Variants in CDH1 observed in about 807,000 individuals in gnomAD.
CDH1 encodes the protein cadherin 1, also known as cadherin-1.
CDH1 carries 35 observed loss-of-function variants against 84.5 expected under a neutral mutation model. The ratio of observed to expected loss-of-function variants is 0.41; its 90% CI spans 0.32 to 0.55. The LOEUF is 0.55. Among genes scored for constraint, CDH1 ranks in the 20% least tolerant of loss-of-function variants. The probability of loss-of-function intolerance (pLI) is 0.19; values close to 1 mark genes in which losing one functional copy is unlikely to be tolerated. For synonymous variants in CDH1, 417 were observed against 439.0 expected, an observed-to-expected ratio of 0.95 and a Z score of 0.63; for missense variants, 994 against 1,126.6, an observed-to-expected ratio of 0.88 and a Z score of 1.68.
intron 1 of CDH1, 114 bp downstream of exon 1, chr16:68,737,577 G>A (rs1962433802): frequency 6.2e-6 from 6 of 974,036 alleles, no homozygotes; most frequent in Non-Finnish European, 9.3e-6. Context: ...AAGAAAGTTC[G>A]GGTCCTGAGG....
intron 2 of CDH1, among the ~76,000 whole-genome samples, chr16:68,792,465 A>G (rs557537042): frequency 7.2e-5 from 11 of 152,198 alleles, no homozygotes; most frequent in African/African-American, 2.4e-4. Flanking sequence ...CCTGACCTCA[A>G]GTGTTCCACC....
At chr16:68,739,976 C>A (rs1441707035) in intron 2 of CDH1, among the ~76,000 whole-genome samples, 1 of 152,122 alleles carries the variant, frequency 6.6e-6, no homozygotes, top group African/African-American at 2.4e-5. Flanking sequence ...AAAATGCATA[C>A]ACCCAATGTA....
At chr16:68,793,479 A>G (rs1457790837) in intron 2 of CDH1, among the ~76,000 whole-genome samples, 2 of 152,102 alleles carry the variant, frequency 1.3e-5, no homozygotes, top group Non-Finnish European at 2.9e-5. Context: ...ATGGCTCATC[A>G]GTACTAACAG....
intron 10 of CDH1, among the ~76,000 whole-genome samples, chr16:68,818,067 C>T (rs760528078): frequency 3.3e-5 from 5 of 151,374 alleles, no homozygotes; most frequent in Non-Finnish European, 5.9e-5. Context: ...GGTGAAACCT[C>T]GTCTCTACTA....
At chr16:68,811,283 G>C (rs1250057300) in intron 6 of CDH1, among the ~76,000 whole-genome samples, 2 of 150,976 alleles carry the variant, frequency 1.3e-5, no homozygotes, top group Admixed American at 6.7e-5. Flanking sequence ...TATAATTCCA[G>C]ATACTTGGGA....
intron 2 of CDH1, among the ~76,000 whole-genome samples, chr16:68,792,392 G>C (rs1271970750): frequency 6.6e-6 from 1 of 152,072 alleles, no homozygotes; most frequent in South Asian, 2.1e-4. Context: ...ACCACGCCTG[G>C]CTAATTTTTG....
At chr16:68,776,364 C>T (rs1031048976) in intron 2 of CDH1, among the ~76,000 whole-genome samples, 14 of 152,162 alleles carry the variant, frequency 9.2e-5, no homozygotes, top group Non-Finnish European at 1.3e-4. Flanking sequence ...TAATGACCAA[C>T]GTTTCCTGAA....
chr16:68,807,641 A>G (rs1960700143), intron 3 of CDH1, among the ~76,000 whole-genome samples: 2 of 152,082 alleles, frequency 1.3e-5, no homozygotes, highest in African/African-American at 2.4e-5. Flanking sequence ...GTGAGCTTTG[A>G]TCACTTCACT....
intron 9 of CDH1, among the ~76,000 whole-genome samples, chr16:68,815,051 C>T (rs142427895): frequency 0.055 from 8,396 of 151,722 alleles, 324 homozygotes; most frequent in Non-Finnish European, 0.087. Context: ...CATGGTGAAA[C>T]GTCGTCTCTA....
chr16:68,776,988 C>T (rs1290481396), intron 2 of CDH1, among the ~76,000 whole-genome samples: 1 of 152,150 alleles, frequency 6.6e-6, no homozygotes, highest in Non-Finnish European at 1.5e-5. Context: ...GTGTGGCTGA[C>T]TTCAGACTTG....
intron 2 of CDH1, chr16:68,765,567 A>G (rs535588428): frequency 6.6e-6 from 1 of 152,232 alleles, no homozygotes; most frequent in South Asian, 2.1e-4. Flanking sequence ...TCCAGCAGGT[A>G]TGTAAGGCAT....
At chr16:68,741,036 G>A (rs181460012) in intron 2 of CDH1, among the ~76,000 whole-genome samples, 177 of 151,890 alleles carry the variant, frequency 1.2e-3, no homozygotes, top group Non-Finnish European at 1.8e-3. Flanking sequence ...TGGGACCTCC[G>A]AGAGGGGGTG....
chr16:68,784,549 A>G (rs1959987564), intron 2 of CDH1, among the ~76,000 whole-genome samples: 1 of 152,050 alleles, frequency 6.6e-6, no homozygotes, highest in South Asian at 2.1e-4. Flanking sequence ...GGTTATGTGA[A>G]CAAGTTCTTT....
At position 68,829,717 on chromosome 16, in the gene CDH1, G is replaced by A. The variant is rs766270336; in HGVS notation, c.2359G>A (p.Val787Ile). The part of the protein sequence containing the change: ...DARPEVTRND[V>I]APTLMSVPRY... ...TCGGCCTGAAGTGACTCGTAACGAC[G>A]TTGCACCAACCCTCATGAGTGTCCC... Residue 787 changes from valine to isoleucine, a missense_variant, in exon 15 of 16, where the codon GTT becomes ATT. By Grantham distance (29) the Val-to-Ile change is conservative. Transcript: ENST00000261769. 13 of 1,613,922 alleles carry A rather than the reference G, an allele frequency of 8.1e-6. No individual in the cohort carries two copies. The highest frequency in any genetic ancestry group is 1.6e-4 in the Middle Eastern group (1 of 6,084).
At chr16:68,788,842 A>AG in intron 2 of CDH1, among the ~76,000 whole-genome samples, 1 of 152,124 alleles carries the variant, frequency 6.6e-6, no homozygotes, top group East Asian at 1.9e-4. Flanking sequence ...CCTAAAAAAA[A>AG]CAAAAAACAA....
chr16:68,812,340 T>C lies in CDH1; in HGVS notation c.1137+77T>C, dbSNP rs1960863687. The C allele has an allele frequency of 1.7e-5, 25 of 1,491,844 alleles. No homozygotes were observed. In the Admixed American group the frequency reaches 2.5e-4, roughly 15 times the overall value. 92.4% of individuals were successfully genotyped at this position (1,491,844 alleles called of 1,614,324 possible). ...ATGAACTAAGTGTCACCACTGCTCA[T>C]GGGCGAAGTCTTTGAAAACTCTCTC... is the stretch of plus-strand genomic sequence containing the variant. On this transcript the variant is annotated intron_variant, in intron 8 of 15. Coordinates refer to ENST00000261769, the MANE Select transcript of CDH1 (RefSeq NM_004360.5).
intron 2 of CDH1, among the ~76,000 whole-genome samples, chr16:68,774,089 A>T (rs1959660496): frequency 6.6e-6 from 1 of 152,002 alleles, no homozygotes; most frequent in Non-Finnish European, 1.5e-5. Context: ...CTAATTTTAA[A>T]TTTTTTGTAG....
chr16:68,790,845 G>T (rs987396664), intron 2 of CDH1, among the ~76,000 whole-genome samples: 4 of 152,172 alleles, frequency 2.6e-5, no homozygotes, highest in Non-Finnish European at 5.9e-5. Context: ...ACCAATCCAG[G>T]CAGGAATATT....
At chr16:68,785,739 C>CTTT (rs34117943) in intron 2 of CDH1, among the ~76,000 whole-genome samples, 2 of 147,722 alleles carry the variant, frequency 1.4e-5, no homozygotes, top group East Asian at 2.0e-4. Flanking sequence ...GCATAAAGAG[C>CTTT]TTTTTTTTTT....
Sources: gnomAD v4.1 joint callset for allele counts (sites outside exome capture counted in the v4.1 genomes callset) on GRCh38, gnomAD v4.1.1 for gene constraint, MANE v1.5 for transcripts, NCBI Gene and HGNC (gene_info 2026-07-23, HGNC 2026-07-21) for gene names.